Variants in WWOX observed in about 807,000 individuals in gnomAD.
WWOX encodes WW domain-containing oxidoreductase.
A neutral mutation model predicts 46.2 loss-of-function variants in WWOX; 69 were observed. The observed-to-expected ratio is 1.49, with a 90% CI of 1.23 to 1.82. The LOEUF is 1.82. WWOX is among the 40% of genes most tolerant of loss of function. The pLI is 0.00. For synonymous variants in WWOX, 359 were observed against 202.6 expected, an observed-to-expected ratio of 1.77 and a Z score of -6.56; for missense variants, 919 against 542.6, an observed-to-expected ratio of 1.69 and a Z score of -6.89.
chr16:78,831,909 C>T (rs2051837737), intron 8 of WWOX, among the ~76,000 whole-genome samples: 1 of 152,152 alleles, frequency 6.6e-6, no homozygotes, highest in African/African-American at 2.4e-5. Flanking sequence ...TCGTAATTTT[C>T]TCAAATACCC....
At chr16:78,845,567 A>T (rs1206454094) in intron 8 of WWOX, among the ~76,000 whole-genome samples, 1 of 152,238 alleles carries the variant, frequency 6.6e-6, no homozygotes, top group African/African-American at 2.4e-5. Context: ...GGGTTTTCCA[A>T]TGCCATATAA....
chr16:78,769,224 T>C (rs17709176), intron 8 of WWOX, among the ~76,000 whole-genome samples: 72,265 of 152,096 alleles, frequency 0.48, 17,981 homozygotes, highest in Middle Eastern at 0.61. Flanking sequence ...GCTTACTATA[T>C]ACCAGGCGCT....
chr16:78,271,973 T>A (rs959183237), intron 5 of WWOX, among the ~76,000 whole-genome samples: 1 of 152,194 alleles, frequency 6.6e-6, no homozygotes, highest in African/African-American at 2.4e-5. Context: ...TAATCCAGGC[T>A]GCACACCTCA....
chr16:78,709,972 C>T (rs1050950307), intron 8 of WWOX, among the ~76,000 whole-genome samples: 4 of 152,120 alleles, frequency 2.6e-5, no homozygotes, highest in African/African-American at 7.2e-5. Flanking sequence ...CTCAGGTGTT[C>T]CACCCTCCTT....
intron 8 of WWOX, among the ~76,000 whole-genome samples, chr16:79,029,142 T>C (rs2047703540): frequency 6.6e-6 from 1 of 152,190 alleles, no homozygotes; most frequent in Non-Finnish European, 1.5e-5. Flanking sequence ...CAGAATCGAT[T>C]GATGAAGGAG....
intron 8 of WWOX, among the ~76,000 whole-genome samples, chr16:79,114,641 T>G (rs1289447241): frequency 6.6e-6 from 1 of 152,068 alleles, no homozygotes; most frequent in Non-Finnish European, 1.5e-5. Flanking sequence ...AGTTCCTGAA[T>G]AAAGAGAGAA....
intron 8 of WWOX, among the ~76,000 whole-genome samples, chr16:78,905,187 G>A (rs565359778): frequency 1.3e-5 from 2 of 152,278 alleles, no homozygotes; most frequent in African/African-American, 2.4e-5. Context: ...CTGCTGGCCT[G>A]AGCATGAGGT....
chr16:79,159,594 G>T (rs558593875), intron 8 of WWOX, among the ~76,000 whole-genome samples: 3 of 152,288 alleles, frequency 2.0e-5, no homozygotes, highest in Admixed American at 2.0e-4. Context: ...CAAAGAGGAG[G>T]CTCAGGGTAG....
chr16:78,369,441 A>G (rs1304610482), intron 5 of WWOX, among the ~76,000 whole-genome samples: 2 of 152,154 alleles, frequency 1.3e-5, no homozygotes. Context: ...AAGAACCAAA[A>G]TAAAGAGTTT....
At chr16:78,663,304 A>G (rs12448196) in intron 8 of WWOX, among the ~76,000 whole-genome samples, 2,965 of 152,256 alleles carry the variant, frequency 0.019, 300 homozygotes, top group Admixed American at 0.17. Context: ...GTGTTATTTC[A>G]TGTATTAATA....
intron 8 of WWOX, among the ~76,000 whole-genome samples, chr16:79,100,439 T>C (rs2049168448): frequency 6.6e-6 from 1 of 152,126 alleles, no homozygotes; most frequent in Non-Finnish European, 1.5e-5. Context: ...TGGCCTTTAT[T>C]ACCACAGTAA....
intron 8 of WWOX, among the ~76,000 whole-genome samples, chr16:78,920,952 C>A (rs553032714): frequency 1.4e-4 from 22 of 152,168 alleles, no homozygotes; most frequent in Admixed American, 2.0e-4. Context: ...ATATGTGGTA[C>A]TTTTCTGCAA....
chr16:79,145,037 A>G (rs1214551863), intron 8 of WWOX, among the ~76,000 whole-genome samples: 6 of 152,142 alleles, frequency 3.9e-5, no homozygotes, highest in African/African-American at 1.4e-4. Context: ...TACTGTACAT[A>G]AATTTGCCTG....
At chr16:78,681,863 G>T (rs146152003) in intron 8 of WWOX, among the ~76,000 whole-genome samples, 1 of 152,172 alleles carries the variant, frequency 6.6e-6, no homozygotes, top group Non-Finnish European at 1.5e-5. Flanking sequence ...TGGAGAGCTG[G>T]TTAGAAAAAC....
At chr16:78,753,381 A>G (rs907012005) in intron 8 of WWOX, among the ~76,000 whole-genome samples, 3 of 152,188 alleles carry the variant, frequency 2.0e-5, no homozygotes, top group South Asian at 4.1e-4. Context: ...ATCCAGGTAC[A>G]AAGACAATGA....
At chr16:78,410,097 A>G (rs2082643103) in intron 6 of WWOX, among the ~76,000 whole-genome samples, 1 of 152,146 alleles carries the variant, frequency 6.6e-6, no homozygotes, top group Non-Finnish European at 1.5e-5. Context: ...TTCACATGAT[A>G]TCTGGCACCT....
chr16:79,137,880 A>G (rs890092891), intron 8 of WWOX, among the ~76,000 whole-genome samples: 3 of 152,176 alleles, frequency 2.0e-5, no homozygotes, highest in African/African-American at 7.2e-5. Flanking sequence ...ACACAAGACC[A>G]AAGTTAGGGG....
chr16:78,759,134 G>A (rs947555306), intron 8 of WWOX, among the ~76,000 whole-genome samples: 10 of 152,086 alleles, frequency 6.6e-5, no homozygotes, highest in African/African-American at 1.9e-4. Context: ...GCTGATCTGT[G>A]CAATTTTTTC....
chr16:79,169,780 G>T (rs1209061084), intron 8 of WWOX, among the ~76,000 whole-genome samples: 1 of 152,144 alleles, frequency 6.6e-6, no homozygotes, highest in Non-Finnish European at 1.5e-5. Flanking sequence ...TCACTCTAGG[G>T]ACTACCCTTT....
Sources: gnomAD v4.1 joint callset for allele counts (sites outside exome capture counted in the v4.1 genomes callset) on GRCh38, gnomAD v4.1.1 for gene constraint, MANE v1.5 for transcripts, NCBI Gene and HGNC (gene_info 2026-07-23, HGNC 2026-07-21) for gene names.